The following PRKDC variants were observed in gnomAD, a reference collection of about 807,000 sequenced individuals.
PRKDC encodes DNA-dependent protein kinase catalytic subunit.
A neutral mutation model predicts 486.9 loss-of-function variants in PRKDC; 82 were observed. The observed-to-expected ratio is 0.17, with a 90% CI of 0.14 to 0.20. PRKDC has a LOEUF of 0.20. Ranked by LOEUF, PRKDC falls within the 10% of genes least tolerant of loss-of-function variation. The probability of loss-of-function intolerance (pLI) is 1.00; values close to 1 mark genes in which losing one functional copy is unlikely to be tolerated. For synonymous variants in PRKDC, 1,895 were observed against 1,837.0 expected, an observed-to-expected ratio of 1.03 and a Z score of -0.81; for missense variants, 4,504 against 5,038.2, an observed-to-expected ratio of 0.89 and a Z score of 3.21.
At chr8:47,777,050 T>G in intron 84 of PRKDC, 67 bp from the exon 85 acceptor site, 1 of 1,514,872 alleles carries the variant, frequency 6.6e-7, no homozygotes, top group Non-Finnish European at 8.9e-7. Context: ...CCAAACAGAT[T>G]AAATCTAGTA....
At position 47,912,637 on chromosome 8, in the gene PRKDC, A is replaced by G. The variant is rs938238724; in HGVS notation, c.2782-75T>C. On this transcript the variant is annotated intron_variant, in intron 24 of 85. Transcript: ENST00000314191. Reference sequence around the variant, plus strand: ...AAGAGAATATTTGAAATGTCACTCAATTTAGCCTTTAAGAAGAAAAATTTC... The same window carrying G: ...AAGAGAATATTTGAAATGTCACTCAGTTTAGCCTTTAAGAAGAAAAATTTC... 5 of 1,394,508 alleles carry G rather than the reference A, an allele frequency of 3.6e-6. No homozygotes were observed. The African/African-American group carries it at 7.3e-5, about 20-fold the overall frequency. 86.4% of individuals were successfully genotyped at this position (1,394,508 alleles called of 1,614,324 possible). A position where few individuals can be genotyped will look rare whatever the true frequency, so the allele number is the denominator to read the frequency against.
chr8:47,949,590 A>C (rs569814910), intron 7 of PRKDC, among the ~76,000 whole-genome samples: 27 of 152,342 alleles, frequency 1.8e-4, no homozygotes, highest in Non-Finnish European at 2.9e-4. Flanking sequence ...ACAGGGTCAA[A>C]GGAGAGAATT....
At chr8:47,902,228 A>G (rs1433866108) in intron 27 of PRKDC, among the ~76,000 whole-genome samples, 1 of 152,102 alleles carries the variant, frequency 6.6e-6, no homozygotes, top group African/African-American at 2.4e-5. Context: ...TTATCCTTCA[A>G]GTCTCATCTC....
At position 47,937,737 on chromosome 8, in the gene PRKDC, T is replaced by A. The variant is rs117279185; in HGVS notation, c.1114-1220A>T. Reference sequence around the variant, plus strand: ...AAAGGGAAAATCTCATGCAATCTTTTAGCTCAGAGCCTTCTGCCATTCTGT... The same window carrying A: ...AAAGGGAAAATCTCATGCAATCTTTAAGCTCAGAGCCTTCTGCCATTCTGT... On this transcript the variant is annotated intron_variant, in intron 11 of 85. Coordinates refer to ENST00000314191, the MANE Select transcript of PRKDC (RefSeq NM_006904.7). 7.4e-3 allele frequency among the ~76,000 whole-genome samples: 1,128 copies of A among 152,328 alleles called. 7 individuals carry two copies. Among genetic ancestry groups the A allele is most frequent in the Non-Finnish European group, 0.011 (759 of 68,028 alleles).
chr8:47,904,411 T>G (rs1345102981), intron 26 of PRKDC, among the ~76,000 whole-genome samples: 1 of 152,188 alleles, frequency 6.6e-6, no homozygotes, highest in Admixed American at 6.5e-5. Flanking sequence ...TGTAACACCA[T>G]GCCAGCTAAT....
intron 25 of PRKDC, among the ~76,000 whole-genome samples, chr8:47,911,671 A>G (rs2154502749): frequency 6.6e-6 from 1 of 152,200 alleles, no homozygotes; most frequent in East Asian, 1.9e-4. Context: ...ATGAACTGAG[A>G]AGATTTCTTA....
At chr8:47,900,532 A>G in intron 27 of PRKDC, 65 bp from the exon 28 acceptor site, 1 of 1,406,508 alleles carries the variant, frequency 7.1e-7, no homozygotes, top group East Asian at 2.5e-5. Context: ...CAAAGAAAAG[A>G]AGGAATGGAA....
At chr8:47,815,466 C>T (rs554097951) in intron 68 of PRKDC, among the ~76,000 whole-genome samples, 2 of 152,286 alleles carry the variant, frequency 1.3e-5, no homozygotes, top group South Asian at 2.1e-4. Context: ...AAAACCATAA[C>T]ATTTCTAAAA....
chr8:47,837,389 TTCATGGC>T lies in PRKDC; in HGVS notation c.7577_7583del (p.Ser2526LysfsTer15). On this transcript the variant is annotated frameshift_variant, in exon 57 of 86. Transcript: ENST00000314191. LOFTEE classifies it high-confidence loss of function. Reference sequence around the variant, plus strand: ...CCAAGGTATTTGAAGGTAACCTAGTTTCATGGCTCCAGAAATTTCGAATAATTAATCT... The same window carrying T: ...CCAAGGTATTTGAAGGTAACCTAGTTTCCAGAAATTTCGAATAATTAATCT... The T allele has an allele frequency of 6.2e-7, 1 of 1,611,424 alleles. No homozygotes were observed. The highest frequency in any genetic ancestry group is 8.5e-7 in the Non-Finnish European group (1 of 1,177,666).
chr8:47,823,689 C>CTTAA (rs1265407945), intron 64 of PRKDC, among the ~76,000 whole-genome samples, 169 bp downstream of exon 64: 3 of 152,036 alleles, frequency 2.0e-5, no homozygotes, highest in Non-Finnish European at 4.4e-5. Context: ...TAGGCCCTAA[C>CTTAA]TTAAGTGAAC....
In PRKDC at chr8:47,858,605, T is replaced by A; in HGVS notation, c.6376A>T (p.Met2126Leu). Residue 2126 changes from methionine to leucine, a missense_variant, in exon 48 of 86, where the codon ATG (methionine) becomes TTG (leucine). By Grantham distance (15) the Met-to-Leu change is conservative. This residue lies in a region of PRKDC where 1,592 missense variants were observed against 1,724.6 expected (regional missense o/e 0.92). Transcript: ENST00000314191. Reference protein sequence around the residue: ...DSVPRDLPSWMKFLHGKLGNP... With the variant: ...DSVPRDLPSWLKFLHGKLGNP... Reference sequence around the variant, plus strand: ...CCCAGTTTGCCATGGAGGAATTTCATCCAAGAAGGAAGATCTCTTGGCACT... The same window carrying A: ...CCCAGTTTGCCATGGAGGAATTTCAACCAAGAAGGAAGATCTCTTGGCACT... 1 of 1,554,732 alleles carries A rather than the reference T, an allele frequency of 6.4e-7. No individual in the cohort carries two copies. Among genetic ancestry groups the A allele is most frequent in the Non-Finnish European group, 8.7e-7 (1 of 1,152,072 alleles).
At chr8:47,910,409 C>T (rs2089876867) in intron 25 of PRKDC, among the ~76,000 whole-genome samples, 1 of 152,160 alleles carries the variant, frequency 6.6e-6, no homozygotes, top group Non-Finnish European at 1.5e-5. Context: ...TGACCTAATA[C>T]CATTTATTAA....
At chr8:47,801,222 C>T (rs761326637) in intron 70 of PRKDC, among the ~76,000 whole-genome samples, 1 of 152,116 alleles carries the variant, frequency 6.6e-6, no homozygotes, top group Non-Finnish European at 1.5e-5. Context: ...CAGGCTTGCA[C>T]CACCATGCCC....
chr8:47,912,470 C>A lies in PRKDC; in HGVS notation c.2874G>T (p.Met958Ile). Residue 958 changes from methionine (M) to isoleucine (I), a missense_variant, in exon 25 of 86, where the codon ATG (methionine) becomes ATT (isoleucine). Coordinates refer to ENST00000314191, the MANE Select transcript of PRKDC (RefSeq NM_006904.7). ...MPEGGQGAPP[M>I]YQLYKRTFPV... ...GAAACGTCCGCTTATAGAGCTGGTA[C>A]ATGGGTGGGGCTCCCTGTCCCCCTT... 1 of 1,612,712 alleles carries A rather than the reference C, an allele frequency of 6.2e-7. No individual in the cohort carries two copies. Among genetic ancestry groups the A allele is most frequent in the Non-Finnish European group, 8.5e-7 (1 of 1,179,238 alleles).
chr8:47,873,815 T>C lies in PRKDC; in HGVS notation c.5363+3909A>G, dbSNP rs751612510. On this transcript the variant is annotated intron_variant, in intron 40 of 85. Coordinates refer to ENST00000314191, the MANE Select transcript of PRKDC (RefSeq NM_006904.7). ...TGGCATCCAAAAATCATTAAAACAA[T>C]TGAACTCATGGAGATAGAGAATAGA... 3.9e-5 allele frequency among the ~76,000 whole-genome samples: 6 copies of C among 152,016 alleles called. No individual in the cohort carries two copies. In the South Asian group the frequency reaches 1.0e-3, roughly 26 times the overall value.
intron 69 of PRKDC, chr8:47,805,166 C>G (rs1409898902): frequency 2.6e-5 from 4 of 152,056 alleles, no homozygotes; most frequent in Non-Finnish European, 4.4e-5. Context: ...AAAACCACTG[C>G]ACTTGGACTA....
intron 73 of PRKDC, among the ~76,000 whole-genome samples, chr8:47,797,354 A>G (rs2087003926): frequency 1.3e-5 from 2 of 152,344 alleles, no homozygotes; most frequent in African/African-American, 4.8e-5. Flanking sequence ...AAACACATAC[A>G]TGTTGCACTT....
chr8:47,860,139 G>C (rs994269201), intron 45 of PRKDC, among the ~76,000 whole-genome samples: 1 of 152,140 alleles, frequency 6.6e-6, no homozygotes, highest in Non-Finnish European at 1.5e-5. Context: ...AAGAGATTTA[G>C]AAAACTGGTC....
At chr8:47,852,882 C>A (rs1196760008) in intron 51 of PRKDC, 98 bp from the exon 52 acceptor site, 9 of 780,212 alleles carry the variant, frequency 1.2e-5, no homozygotes, top group African/African-American at 1.7e-5. Context: ...TATTGACAGC[C>A]TAAGTTGAGG....
Sources: gnomAD v4.1 joint callset for allele counts (sites outside exome capture counted in the v4.1 genomes callset) on GRCh38, gnomAD v4.1.1 for gene constraint, gnomAD v4.1.1 regional missense constraint, MANE v1.5 for transcripts, NCBI Gene and HGNC (gene_info 2026-07-23, HGNC 2026-07-21) for gene names.